RBBP6: variants seen among roughly 807,000 people sequenced by gnomAD.
RBBP6 encodes E3 ubiquitin-protein ligase RBBP6.
RBBP6 carries 25 observed loss-of-function variants against 167.7 expected under a neutral mutation model. The ratio of observed to expected loss-of-function variants is 0.15; its 90% CI spans 0.11 to 0.21. The LOEUF is 0.21. Among genes scored for constraint, RBBP6 ranks in the 10% least tolerant of loss-of-function variants. RBBP6 has a pLI of 1.00. For synonymous variants in RBBP6, 789 were observed against 735.8 expected, an observed-to-expected ratio of 1.07 and a Z score of -1.17; for missense variants, 1,868 against 2,134.2, an observed-to-expected ratio of 0.88 and a Z score of 2.46.
rs1899341804 is a variant in RBBP6 at position 24,571,673 on chromosome 16, C to T, written c.4607C>T (p.Pro1536Leu). The change falls in exon 18 of 18, where the codon CCC becomes CTC. Residue 1536 changes from proline to leucine, a missense_variant. Around this residue, in one of 7 missense-constraint regions of RBBP6, gnomAD observed 591 missense variants for 540.5 expected, o/e 1.09. Transcript: ENST00000319715. Reference protein sequence around the residue: ...TGDSKKSNSSPSRDRKPHDHK... With the variant: ...TGDSKKSNSSLSRDRKPHDHK... ...GATTCCAAAAAAAGTAATTCTAGTC[C>T]CTCAAGAGACAGAAAACCTCATGAT... 1 of 1,613,768 alleles carries T rather than the reference C, an allele frequency of 6.2e-7. No homozygotes were observed. Among genetic ancestry groups the T allele is most frequent in the African/African-American group, 1.3e-5 (1 of 74,882 alleles).
Position 24,572,427 on chromosome 16 carries a change from G to A in RBBP6, c.5361G>A (p.Val1787=). The part of the protein sequence containing the change: ...EKEKEKDDQK[V]KSVTV Reference sequence around the variant, plus strand: ...AGAAGGAGAAAGATGACCAAAAAGTGAAATCTGTCACTGTGTAAAAAGACA... The same window carrying A: ...AGAAGGAGAAAGATGACCAAAAAGTAAAATCTGTCACTGTGTAAAAAGACA... The change falls in exon 18 of 18, where the codon GTG becomes GTA. Residue 1787 remains valine, a synonymous_variant. Coordinates refer to ENST00000319715, the MANE Select transcript of RBBP6 (RefSeq NM_006910.5). 1 of 1,529,704 alleles carries A rather than the reference G, an allele frequency of 6.5e-7. No individual in the cohort carries two copies. 94.8% of individuals were successfully genotyped at this position (1,529,704 alleles called of 1,614,324 possible).
At position 24,570,270 on chromosome 16, in the gene RBBP6, A is replaced by C. The variant is rs772420699; in HGVS notation, c.3580A>C (p.Thr1194Pro). The change falls in exon 17 of 18, where the codon ACC (threonine) becomes CCC (proline). Residue 1194 changes from threonine (T) to proline (P), a missense_variant. Transcript: ENST00000319715. ...MEPDTEKMDR[T>P]PEKDKISLSA... ...ACCTGATACTGAAAAAATGGATAGGACCCCTGAAAAGGACAAAATTTCTTT... is the reference window on the plus strand; with the variant it reads ...ACCTGATACTGAAAAAATGGATAGGCCCCCTGAAAAGGACAAAATTTCTTT... The C allele has an allele frequency of 3.7e-6, 6 of 1,612,034 alleles. No individual in the cohort carries two copies. The highest frequency in any genetic ancestry group is 5.1e-6 in the Non-Finnish European group (6 of 1,179,644).
intron 1 of RBBP6, among the ~76,000 whole-genome samples, chr16:24,543,689 GTA>G (rs1418332297): frequency 6.6e-6 from 1 of 152,044 alleles, no homozygotes; most frequent in African/African-American, 2.4e-5. Flanking sequence ...TTTCTAGACT[GTA>G]TTTCAAAATG....
intron 8 of RBBP6, among the ~76,000 whole-genome samples, chr16:24,560,152 C>T (rs544747527): frequency 6.8e-6 from 1 of 146,730 alleles, no homozygotes; most frequent in South Asian, 2.2e-4. Context: ...CACTGTCTCC[C>T]AGGCTGGAGT....
chr16:24,569,771 T>C lies in RBBP6; in HGVS notation c.3081T>C (p.Ala1027=). 6.2e-7 allele frequency: 1 copy of C among 1,613,946 alleles called. No homozygotes were observed. The highest frequency in any genetic ancestry group is 1.3e-5 in the African/African-American group (1 of 75,022). The change falls in exon 17 of 18, where the codon GCT becomes GCC. Residue 1027 remains alanine, a synonymous_variant. Transcript: ENST00000319715. ...DKTKRKNDGS[A]VSKKENIVKP... ...CCAAACGGAAGAATGATGGATCTGC[T>C]GTGTCCAAAAAAGAAAATATTGTAA...
In RBBP6 at chr16:24,567,335, C is replaced by T. The variant is rs376567972; in HGVS notation, c.1782C>T (p.Pro594=). The change falls in exon 15 of 18, where the codon CCC becomes CCT. Residue 594 remains proline, a synonymous_variant. Transcript: ENST00000319715. ...AGTTTCCTCCTGGCCAGCCACCACC[C>T]GCTGGGTATAGTGTCCCTCCTCCAG... is the stretch of plus-strand genomic sequence containing the variant. ...SPQFPPGQPP[P]AGYSVPPPGF... is the part of the protein sequence containing the mutation. 23 of 1,613,946 alleles carry T rather than the reference C, an allele frequency of 1.4e-5. No individual in the cohort carries two copies. Among genetic ancestry groups the T allele is most frequent in the African/African-American group, 4.0e-5 (3 of 74,884 alleles).
chr16:24,560,257 C>A (rs1175040498), intron 8 of RBBP6, among the ~76,000 whole-genome samples: 3 of 152,036 alleles, frequency 2.0e-5, no homozygotes, highest in Admixed American at 2.0e-4. Flanking sequence ...CAGGTGCCCG[C>A]CACCACACCC....
At chr16:24,563,558 G>T (rs1899121949) in intron 12 of RBBP6, 52 bp from the exon 13 acceptor site, 3 of 1,610,210 alleles carry the variant, frequency 1.9e-6, no homozygotes, top group Middle Eastern at 1.7e-4. Context: ...ATTTTAGCTT[G>T]ATTTAATGTG....
chr16:24,563,540 A>G, intron 12 of RBBP6, 39 bp downstream of exon 12: 1 of 1,611,400 alleles, frequency 6.2e-7, no homozygotes, highest in Non-Finnish European at 8.5e-7. Context: ...TTTTCCCTTT[A>G]AAAAATAATT....
rs1228029911 is a variant in RBBP6, at chr16:24,555,623, T to C, written c.357T>C (p.Asn119=). 3.1e-6 allele frequency: 5 copies of C among 1,609,408 alleles called. No homozygotes were observed. Among genetic ancestry groups the C allele is most frequent in the Non-Finnish European group, 4.2e-6 (5 of 1,178,864 alleles). The change falls in exon 5 of 18, where the codon AAT becomes AAC. Residue 119 remains asparagine, a synonymous_variant. Coordinates refer to ENST00000319715, the MANE Select transcript of RBBP6 (RefSeq NM_006910.5). ...ISLAQLTKTA[N]LAEANASEED... is the part of the protein sequence containing the mutation. ...AATTACCTGTTAAACAGACTGCCAA[T>C]CTGGCTGAAGCCAATGCTTCTGAAG...
intron 14 of RBBP6, among the ~76,000 whole-genome samples, chr16:24,566,660 T>C (rs2060321817): frequency 6.6e-6 from 1 of 152,152 alleles, no homozygotes; most frequent in African/African-American, 2.4e-5. Context: ...AGAATTCGCT[T>C]GAACCCAGGA....
chr16:24,554,181 A>G (rs949603621), intron 4 of RBBP6: 2 of 152,046 alleles, frequency 1.3e-5, no homozygotes, highest in African/African-American at 2.4e-5. Flanking sequence ...ATCACTGTAT[A>G]TGCCATGTTT....
chr16:24,549,992 C>T (rs1898756864), intron 3 of RBBP6, among the ~76,000 whole-genome samples: 1 of 151,922 alleles, frequency 6.6e-6, no homozygotes, highest in Admixed American at 6.6e-5. Flanking sequence ...GGTGAAGCAT[C>T]TGTTTCATAA....
chr16:24,550,324 T>A (rs538434442), intron 3 of RBBP6, among the ~76,000 whole-genome samples: 1 of 150,310 alleles, frequency 6.7e-6, no homozygotes, highest in Non-Finnish European at 1.5e-5. Flanking sequence ...GTGTTTGGGG[T>A]TTTTTTTTCC....
At chr16:24,550,469 T>C (rs953746406) in intron 3 of RBBP6, among the ~76,000 whole-genome samples, 4 of 151,670 alleles carry the variant, frequency 2.6e-5, no homozygotes, top group African/African-American at 9.6e-5. Context: ...AATGCTAGCA[T>C]AAATTAGATT....
chr16:24,551,488 A>C (rs1447760934), intron 3 of RBBP6, among the ~76,000 whole-genome samples: 2 of 151,856 alleles, frequency 1.3e-5, no homozygotes, highest in Non-Finnish European at 3.0e-5. Context: ...TTTGTGGACT[A>C]TAAGATATTT....
rs1459678974 is a variant in RBBP6 at position 24,561,717 on chromosome 16, T to TA, written c.951+4dup. 1 of 1,612,532 alleles carries TA rather than the reference T, an allele frequency of 6.2e-7. No individual in the cohort carries two copies. Among genetic ancestry groups the TA allele is most frequent in the South Asian group, 1.1e-5 (1 of 91,060 alleles). ...ATTGCCAATAAATTTTTACGACAGG[T>TA]AACTGTCTGTATCCATTTTATGAAA... On this transcript the variant is annotated splice_region_variant and intron_variant, in intron 9 of 17. Coordinates refer to ENST00000319715, the MANE Select transcript of RBBP6 (RefSeq NM_006910.5).
intron 8 of RBBP6, 67 bp downstream of exon 8, chr16:24,559,744 C>T (rs1899002012): frequency 7.6e-7 from 1 of 1,313,154 alleles, no homozygotes; most frequent in Non-Finnish European, 1.0e-6. Flanking sequence ...AATGGCTCTT[C>T]CCAACCTCAT....
rs1348281796 is a variant in RBBP6 at position 24,569,759 on chromosome 16, T to A, written c.3069T>A (p.Asn1023Lys). 1 of 1,613,962 alleles carries A rather than the reference T, an allele frequency of 6.2e-7. No individual in the cohort carries two copies. The highest frequency in any genetic ancestry group is 1.7e-5 in the Admixed American group (1 of 60,018). The change falls in exon 17 of 18, where the codon AAT becomes AAA. Residue 1023 changes from asparagine to lysine, a missense_variant. Transcript: ENST00000319715. ...KAKGDKTKRKNDGSAVSKKEN... is the reference protein window; with the variant it reads ...KAKGDKTKRKKDGSAVSKKEN... Reference sequence around the variant, plus strand: ...AGGGTGATAAAACCAAACGGAAGAATGATGGATCTGCTGTGTCCAAAAAAG... The same window carrying A: ...AGGGTGATAAAACCAAACGGAAGAAAGATGGATCTGCTGTGTCCAAAAAAG...
Sources: gnomAD v4.1 joint callset for allele counts (sites outside exome capture counted in the v4.1 genomes callset) on GRCh38, gnomAD v4.1.1 for gene constraint, gnomAD v4.1.1 regional missense constraint, MANE v1.5 for transcripts, NCBI Gene and HGNC (gene_info 2026-07-23, HGNC 2026-07-21) for gene names.